NT5C2: variants seen among roughly 807,000 people sequenced by gnomAD.
NT5C2 encodes the protein cytosolic purine 5'-nucleotidase.
A neutral mutation model predicts 76.1 loss-of-function variants in NT5C2; 58 were observed. The observed-to-expected ratio is 0.76, with a 90% confidence interval of 0.62 to 0.95. The LOEUF (loss-of-function observed/expected upper bound fraction) is 0.95, where lower values mean the gene tolerates loss of function less well. Among genes scored for constraint, NT5C2 ranks in the 40% least tolerant of loss-of-function variants. NT5C2 has a pLI of 0.00. For synonymous variants in NT5C2, 229 were observed against 237.4 expected (o/e 0.96, Z 0.32); for missense variants, 478 against 690.3 (o/e 0.69, Z 3.45).
intron 2 of NT5C2, among the ~76,000 whole-genome samples, chr10:103,176,952 C>G (rs1469161110): frequency 6.6e-6 from 1 of 151,714 alleles, no homozygotes; most frequent in African/African-American, 2.4e-5. Context: ...CTTTTCTTCT[C>G]CCATTGTTAT....
chr10:103,130,344 T>G (rs2077894697), intron 4 of NT5C2, among the ~76,000 whole-genome samples: 2 of 151,930 alleles, frequency 1.3e-5, no homozygotes, highest in Non-Finnish European at 2.9e-5. Flanking sequence ...GTTAAACAGA[T>G]GCTTGAAGGC....
intron 3 of NT5C2, chr10:103,169,322 A>G (rs779549142): frequency 6.6e-6 from 1 of 152,226 alleles, no homozygotes; most frequent in East Asian, 1.9e-4. Context: ...GCACACATAT[A>G]CTTTATTTTA....
chr10:103,112,165 G>T (rs2073187650), intron 4 of NT5C2, among the ~76,000 whole-genome samples: 1 of 152,190 alleles, frequency 6.6e-6, no homozygotes, highest in Non-Finnish European at 1.5e-5. Flanking sequence ...TAACACGATA[G>T]AAACTGAATA....
intron 3 of NT5C2, among the ~76,000 whole-genome samples, chr10:103,143,602 A>ATTTTTTTTTT (rs67395221): frequency 5.6e-5 from 3 of 53,864 alleles, no homozygotes; most frequent in Admixed American, 2.5e-4. Context: ...ATGTCCAGCT[A>ATTTTTTTTTT]TTTTTTTTTT....
At chr10:103,094,806 T>C (rs2067779343) in intron 12 of NT5C2, among the ~76,000 whole-genome samples, 1 of 148,514 alleles carries the variant, frequency 6.7e-6, no homozygotes, top group Non-Finnish European at 1.5e-5. Context: ...CGCTTGAACC[T>C]AGGAGGGGGA....
intron 3 of NT5C2, among the ~76,000 whole-genome samples, chr10:103,142,450 C>A (rs974915141): frequency 2.0e-5 from 3 of 151,780 alleles, no homozygotes; most frequent in Non-Finnish European, 4.4e-5. Flanking sequence ...GCAGGCAGAT[C>A]GCTTGAGCAC....
chr10:103,165,170 C>T (rs1401869568), intron 3 of NT5C2, among the ~76,000 whole-genome samples: 2 of 152,198 alleles, frequency 1.3e-5, no homozygotes, highest in Non-Finnish European at 2.9e-5. Flanking sequence ...TCACAGCTCA[C>T]TGTAACCTCA....
At chr10:103,118,361 CT>C (rs35763505) in intron 4 of NT5C2, among the ~76,000 whole-genome samples, 232 of 137,718 alleles carry the variant, frequency 1.7e-3, no homozygotes, top group African/African-American at 3.0e-3. Context: ...ATTTCTTTTC[CT>C]TTTTTTTTTT....
intron 4 of NT5C2, among the ~76,000 whole-genome samples, chr10:103,114,461 T>C (rs896003960): frequency 1.3e-5 from 2 of 152,008 alleles, no homozygotes; most frequent in African/African-American, 4.8e-5. Flanking sequence ...CCCAATTAAA[T>C]AAACAAAAAC....
At chr10:103,160,521 C>T (rs1218290090) in intron 3 of NT5C2, among the ~76,000 whole-genome samples, 1 of 152,050 alleles carries the variant, frequency 6.6e-6, no homozygotes, top group Admixed American at 6.6e-5. Flanking sequence ...GTCTAGAATC[C>T]AGAATATATA....
At chr10:103,182,951 T>C (rs991907311) in intron 1 of NT5C2, among the ~76,000 whole-genome samples, 3 of 152,136 alleles carry the variant, frequency 2.0e-5, no homozygotes, top group African/African-American at 4.8e-5. Flanking sequence ...GTAAAATCAA[T>C]AACCTATAGT....
chr10:103,145,732 C>T (rs2081355794), intron 3 of NT5C2, among the ~76,000 whole-genome samples: 1 of 152,108 alleles, frequency 6.6e-6, no homozygotes, highest in Non-Finnish European at 1.5e-5. Context: ...TGAGCATTAA[C>T]ATGAAAAACA....
chr10:103,144,198 A>G (rs1180800043), intron 3 of NT5C2, among the ~76,000 whole-genome samples: 2 of 152,228 alleles, frequency 1.3e-5, no homozygotes, highest in Non-Finnish European at 2.9e-5. Context: ...TAGAGAGCCA[A>G]CTGGATCAAA....
chr10:103,158,437 C>T (rs1223117695), intron 3 of NT5C2, among the ~76,000 whole-genome samples: 2 of 151,930 alleles, frequency 1.3e-5, no homozygotes, highest in Admixed American at 6.6e-5. Context: ...GGAGAAAAAT[C>T]AATGCTTTTT....
At chr10:103,172,305 G>A (rs113973959) in intron 3 of NT5C2, among the ~76,000 whole-genome samples, 11,260 of 147,000 alleles carry the variant, frequency 0.077, 494 homozygotes, top group Middle Eastern at 0.17. Context: ...GGAGTGTGCA[G>A]TGGTGTGATC....
chr10:103,121,294 T>C lies in NT5C2; in HGVS notation c.176-14588A>G, dbSNP rs181780281. Among the ~76,000 whole-genome samples, 55 of 152,324 alleles carry C rather than the reference T, an allele frequency of 3.6e-4. 1 individual carries two copies. In the East Asian group the frequency reaches 9.8e-3, roughly 27 times the overall value. ...AAATGGTAATATTATATTCTATATA[T>C]TTTACCATAAATTTTTTTAATGCTG... On this transcript the variant is annotated intron_variant, in intron 4 of 18. Transcript: ENST00000404739.
At chr10:103,137,041 ATACT>A (rs2079423125) in intron 4 of NT5C2, among the ~76,000 whole-genome samples, 1 of 152,328 alleles carries the variant, frequency 6.6e-6, no homozygotes, top group South Asian at 2.1e-4. Context: ...TTCTCAATAA[ATACT>A]TACTAAATTG....
At chr10:103,148,101 G>A (rs996807312) in intron 3 of NT5C2, among the ~76,000 whole-genome samples, 1 of 152,150 alleles carries the variant, frequency 6.6e-6, no homozygotes, top group Non-Finnish European at 1.5e-5. Flanking sequence ...AGAACTTTAT[G>A]AAATGGATTC....
intron 3 of NT5C2, among the ~76,000 whole-genome samples, chr10:103,143,265 C>G (rs907968031): frequency 6.6e-6 from 1 of 152,000 alleles, no homozygotes; most frequent in African/African-American, 2.4e-5. Flanking sequence ...AATAAAAAAG[C>G]CTGGGCTGGG....
Sources: gnomAD v4.1 joint callset for allele counts (sites outside exome capture counted in the v4.1 genomes callset) on GRCh38, gnomAD v4.1.1 for gene constraint, MANE v1.5 for transcripts, NCBI Gene and HGNC (gene_info 2026-07-23, HGNC 2026-07-21) for gene names.